EXD3: variants seen among roughly 807,000 people sequenced by gnomAD.
EXD3 encodes the protein exonuclease 3'-5' domain containing 3.
In EXD3, 92 loss-of-function variants were observed where a neutral mutation model predicts 98.0. That is an observed-to-expected ratio of 0.94 (90% CI 0.79 to 1.12). The LOEUF (loss-of-function observed/expected upper bound fraction) is 1.12. Among genes scored for constraint, EXD3 ranks in the 50% most tolerant of loss-of-function variants. The pLI, the probability that EXD3 is intolerant of heterozygous loss-of-function variation, is 0.00. For missense variants in EXD3, 1,222 were observed against 1,191.6 expected, an observed-to-expected ratio of 1.03 and a Z score of -0.38; for synonymous variants, 569 against 526.0, an observed-to-expected ratio of 1.08 and a Z score of -1.12.
rs532361510 is a variant in EXD3, at chr9:137,379,025, G to A, written c.120+4288C>T. Among the ~76,000 whole-genome samples the A allele has an allele frequency of 2.8e-4, 35 of 125,232 alleles. No individual in the cohort carries two copies. In the South Asian group the frequency reaches 9.9e-3, roughly 35 times the overall value. The allele number at this position is 125,232 out of a possible 152,430, so 82.2% of individuals were successfully genotyped here. ...GGGTACAAGGTTCGTGGGTGACGGT[G>A]ACCGTTGCCTGGGGCCGAGGGGAAT... On this transcript the variant is annotated intron_variant, in intron 3 of 21. Coordinates refer to ENST00000340951, the MANE Select transcript of EXD3 (RefSeq NM_017820.5).
intron 19 of EXD3, among the ~76,000 whole-genome samples, chr9:137,314,484 C>A (rs1002137978): frequency 6.6e-6 from 1 of 152,152 alleles, no homozygotes; most frequent in Admixed American, 6.5e-5. Flanking sequence ...CCCAGTCTAT[C>A]CCCGTGGAGC....
rs7866516 is a variant in EXD3, at chr9:137,336,438, A to G, written c.1998+11633T>C. Reference sequence around the variant, plus strand: ...CACTTCGGCAGGCTGAAGCAGGTGGATTACTTGAGGTCAGGAGATCGACAC... The same window carrying G: ...CACTTCGGCAGGCTGAAGCAGGTGGGTTACTTGAGGTCAGGAGATCGACAC... On this transcript the variant is annotated intron_variant, in intron 17 of 21. Transcript: ENST00000340951. 9.9e-3 allele frequency among the ~76,000 whole-genome samples: 1,502 copies of G among 152,186 alleles called. 22 individuals are homozygous for G. Among genetic ancestry groups the G allele is most frequent in the African/African-American group, 0.034 (1,406 of 41,526 alleles).
intron 1 of EXD3, among the ~76,000 whole-genome samples, chr9:137,419,960 C>T (rs1040374273): frequency 3.3e-5 from 5 of 152,142 alleles, no homozygotes; most frequent in South Asian, 2.1e-4. Context: ...GAGATCGAGA[C>T]CATCCTGGCT....
intron 1 of EXD3, among the ~76,000 whole-genome samples, chr9:137,422,098 G>C (rs989172646): frequency 1.5e-5 from 2 of 129,506 alleles, no homozygotes; most frequent in Admixed American, 8.5e-5. Context: ...TTCCAATTCA[G>C]TTTGTGGTGT....
At chr9:137,333,215 G>A (rs371779766) in intron 17 of EXD3, among the ~76,000 whole-genome samples, 1 of 152,236 alleles carries the variant, frequency 6.6e-6, no homozygotes, top group East Asian at 1.9e-4. Context: ...GGTTTGCCAG[G>A]GGCTCTCGGG....
At chr9:137,374,655 T>C (rs777342283) in intron 3 of EXD3, 13 of 985,424 alleles carry the variant, frequency 1.3e-5, no homozygotes, top group Non-Finnish European at 1.6e-5. Context: ...GAGGGTGCCA[T>C]GCCCAAAGGC....
chr9:137,419,408 G>A (rs1411532524), intron 1 of EXD3, among the ~76,000 whole-genome samples: 2 of 152,192 alleles, frequency 1.3e-5, no homozygotes, highest in Non-Finnish European at 2.9e-5. Context: ...GGTGGCTCAT[G>A]CCTGTAATCC....
intron 11 of EXD3, 41 bp downstream of exon 11, chr9:137,352,579 C>T (rs774545611): frequency 2.2e-4 from 325 of 1,496,096 alleles, no homozygotes; most frequent in Non-Finnish European, 2.8e-4. Flanking sequence ...CCACCCTGGG[C>T]GGAACCCACC....
intron 8 of EXD3, among the ~76,000 whole-genome samples, chr9:137,355,469 G>T (rs1471714667): frequency 8.6e-6 from 1 of 116,948 alleles, no homozygotes; most frequent in Non-Finnish European, 1.7e-5. Flanking sequence ...GAGAAAGGAG[G>T]AAGGAGGAAG....
At chr9:137,354,284 C>A in intron 10 of EXD3, 55 bp downstream of exon 10, 1 of 1,601,630 alleles carries the variant, frequency 6.2e-7, no homozygotes, top group East Asian at 2.3e-5. Flanking sequence ...GCCTGTGCCC[C>A]TAGGACAGCC....
At chr9:137,378,194 ATTTG>A (rs1165584153) in intron 3 of EXD3, among the ~76,000 whole-genome samples, 11 of 150,718 alleles carry the variant, frequency 7.3e-5, no homozygotes, top group African/African-American at 1.7e-4. Context: ...CCAAAGATTT[ATTTG>A]TTTATTTATT....
At chr9:137,372,230 C>T (rs1564521984) in intron 5 of EXD3, among the ~76,000 whole-genome samples, 3 of 152,218 alleles carry the variant, frequency 2.0e-5, no homozygotes, top group Non-Finnish European at 4.4e-5. Flanking sequence ...GGGTTGGATA[C>T]TGATCCGACG....
rs776197472 is a variant in EXD3 at position 137,385,639 on chromosome 9, T to C, written c.56-2262A>G. Reference sequence around the variant, plus strand: ...CAACCTCCACCTCTCAGGTTCGTGATTCTCGTGCCTCAGCCTCCGGAGTAG... The same window carrying C: ...CAACCTCCACCTCTCAGGTTCGTGACTCTCGTGCCTCAGCCTCCGGAGTAG... On this transcript the variant is annotated intron_variant, in intron 2 of 21. Transcript: ENST00000340951. The surrounding 1 kb of genome is among the most constrained non-coding windows in gnomAD (Gnocchi z 4.4). Among the ~76,000 whole-genome samples, 6 of 152,140 alleles carry C rather than the reference T, an allele frequency of 3.9e-5. No homozygotes were observed. Among genetic ancestry groups the C allele is most frequent in the African/African-American group, 1.2e-4 (5 of 41,450 alleles).
chr9:137,419,749 T>G (rs994913909), intron 1 of EXD3, among the ~76,000 whole-genome samples: 3 of 152,180 alleles, frequency 2.0e-5, no homozygotes, highest in Admixed American at 6.5e-5. Flanking sequence ...GAAAGGACAT[T>G]GACAAGTATA....
At chr9:137,340,694 T>C (rs1833604636) in intron 17 of EXD3, among the ~76,000 whole-genome samples, 1 of 151,674 alleles carries the variant, frequency 6.6e-6, no homozygotes, top group African/African-American at 2.4e-5. Flanking sequence ...TGCCTGGCTA[T>C]TTTTTTTAAG....
rs573322958 is a variant in EXD3 at position 137,391,329 on chromosome 9, C to T, written c.55+3974G>A. 5.8e-4 allele frequency among the ~76,000 whole-genome samples: 88 copies of T among 152,326 alleles called. 1 individual carries two copies. The South Asian group carries it at 0.018, about 30-fold the overall frequency. Reference sequence around the variant, plus strand: ...CACACTGGGCGGGTGCCGAGGAACCCGTCTGGAGCGTGGACGCTGGATGTG... The same window carrying T: ...CACACTGGGCGGGTGCCGAGGAACCTGTCTGGAGCGTGGACGCTGGATGTG... On this transcript the variant is annotated intron_variant, in intron 2 of 21. Coordinates refer to ENST00000340951, the MANE Select transcript of EXD3 (RefSeq NM_017820.5).
rs776794184 is a variant in EXD3, at chr9:137,352,731, G to A, written c.926C>T (p.Ser309Phe). Residue 309 changes from serine to phenylalanine, a missense_variant, in exon 11 of 22, where the codon TCC becomes TTC. Transcript: ENST00000340951. ...GGCGGCCGTGACTGGGTCACTGTGG[G>A]AGACCAGCAGCTGAGACAGCTGCTC... ...LQEQLSQLLV[S>F]HSDPVTAAQC... The A allele has an allele frequency of 3.2e-6, 5 of 1,574,640 alleles. No homozygotes were observed. Among genetic ancestry groups the A allele is most frequent in the African/African-American group, 1.4e-5 (1 of 74,066 alleles).
rs772341387 is a variant in EXD3 at position 137,348,223 on chromosome 9, C to G, written c.1846G>C (p.Ala616Pro). 6.2e-7 allele frequency: 1 copy of G among 1,611,382 alleles called. No individual in the cohort carries two copies. Among genetic ancestry groups the G allele is most frequent in the Non-Finnish European group, 8.5e-7 (1 of 1,179,464 alleles). Residue 616 changes from alanine to proline, a missense_variant, in exon 17 of 22, where the codon GCT (alanine) becomes CCT (proline). Ala to Pro is a conservative substitution (Grantham distance 27). Coordinates refer to ENST00000340951, the MANE Select transcript of EXD3 (RefSeq NM_017820.5). ...AAPRQVPVAV[A>P]VSEGAAPQIP... Reference sequence around the variant, plus strand: ...TGAGGGGCAGCGCCCTCAGACACAGCCACAGCCACAGGGACCTGCAGTGAG... The same window carrying G: ...TGAGGGGCAGCGCCCTCAGACACAGGCACAGCCACAGGGACCTGCAGTGAG...
intron 10 of EXD3, 169 bp from the exon 11 acceptor site, chr9:137,352,955 G>C: frequency 7.1e-7 from 1 of 1,415,392 alleles, no homozygotes; most frequent in Non-Finnish European, 9.2e-7. Context: ...CTGAGGTCAA[G>C]GTTCCACAGG....
Sources: allele counts gnomAD v4.1 joint callset (sites outside exome capture counted in the v4.1 genomes callset), GRCh38; gene constraint gnomAD v4.1.1; non-coding constraint Gnocchi (gnomAD v3.1); transcripts MANE v1.5; gene names NCBI Gene and HGNC (gene_info 2026-07-23, HGNC 2026-07-21).